Variants in GPATCH8 observed in about 807,000 individuals in gnomAD.
GPATCH8 encodes the protein G-patch domain containing 8, also known as G patch domain-containing protein 8.
Under a neutral mutation model 118.3 loss-of-function variants are expected in GPATCH8, and 18 were observed. The ratio of observed to expected loss-of-function variants is 0.15; its 90% CI spans 0.11 to 0.23. The LOEUF (loss-of-function observed/expected upper bound fraction) is 0.23. GPATCH8 is among the 10% of genes least tolerant of loss of function. The probability of loss-of-function intolerance (pLI) is 1.00; values close to 1 mark genes in which losing one functional copy is unlikely to be tolerated. For synonymous variants in GPATCH8, 659 were observed against 684.7 expected, an observed-to-expected ratio of 0.96 and a Z score of 0.59; for missense variants, 1,631 against 1,873.8, an observed-to-expected ratio of 0.87 and a Z score of 2.39.
chr17:44,418,886 T>G (rs2049790721), intron 6 of GPATCH8, among the ~76,000 whole-genome samples: 1 of 152,242 alleles, frequency 6.6e-6, no homozygotes. Flanking sequence ...ATCGATCACT[T>G]GAAAACTAGG....
rs547660771 is a variant in GPATCH8, at chr17:44,399,996, T to C, written c.2081A>G (p.Asp694Gly). 1.2e-6 allele frequency: 2 copies of C among 1,614,170 alleles called. No homozygotes were observed. Among genetic ancestry groups the C allele is most frequent in the East Asian group, 2.2e-5 (1 of 44,886 alleles). ...SSKHKRKHKA[D>G]TEEKSSKAES... ...TGCCTTAGAGCTTTTCTCTTCTGTG[T>C]CAGCCTTGTGTTTACGTTTGTGTTT... Residue 694 changes from aspartate (D) to glycine (G), a missense_variant, in exon 8 of 8, where the codon GAC (aspartate) becomes GGC (glycine). By Grantham distance (94) the Asp-to-Gly change is moderately conservative. Around this residue, in one of 8 missense-constraint regions of GPATCH8, gnomAD observed 922 missense variants for 879.7 expected, o/e 1.05. Transcript: ENST00000591680.
intron 7 of GPATCH8, among the ~76,000 whole-genome samples, chr17:44,401,974 AG>A (rs1321596503): frequency 6.6e-6 from 1 of 150,904 alleles, no homozygotes; most frequent in African/African-American, 2.4e-5. Context: ...ACTGCACTCC[AG>A]TCTGGGTGAC....
intron 3 of GPATCH8, among the ~76,000 whole-genome samples, chr17:44,449,903 A>G (rs1208939225): frequency 6.6e-6 from 1 of 152,218 alleles, no homozygotes; most frequent in African/African-American, 2.4e-5. Flanking sequence ...AAGTAAGAAG[A>G]CTTGTTTAGT....
At chr17:44,497,706 G>A (rs868859535) in intron 1 of GPATCH8, among the ~76,000 whole-genome samples, 28 of 152,184 alleles carry the variant, frequency 1.8e-4, no homozygotes, top group South Asian at 6.2e-4. Flanking sequence ...TTGGGGGGCT[G>A]AGGTGGGAGG....
chr17:44,462,899 T>G (rs2051614052), intron 3 of GPATCH8, among the ~76,000 whole-genome samples: 1 of 151,926 alleles, frequency 6.6e-6, no homozygotes, highest in African/African-American at 2.4e-5. Context: ...GAGAATGGCG[T>G]GAACCCGGGA....
chr17:44,422,460 G>T (rs918520552), intron 6 of GPATCH8, among the ~76,000 whole-genome samples: 1 of 151,596 alleles, frequency 6.6e-6, no homozygotes, highest in Non-Finnish European at 1.5e-5. Flanking sequence ...AAAGTGCTGC[G>T]ATTACAGGTG....
intron 1 of GPATCH8, among the ~76,000 whole-genome samples, chr17:44,476,424 C>T (rs1967789345): frequency 6.6e-6 from 1 of 152,140 alleles, no homozygotes; most frequent in South Asian, 2.1e-4. Context: ...AGGGTAGTCT[C>T]AAACTCCTGA....
chr17:44,397,528 G>A lies in GPATCH8; in HGVS notation c.*40C>T. The A allele has an allele frequency of 7.3e-7, 1 of 1,373,122 alleles. No individual in the cohort carries two copies. The allele number at this position is 1,373,122 out of a possible 1,614,324, so 85.1% of individuals were successfully genotyped here. ...AACACCCCCAAGGGAACATTTATGG[G>A]TCTCCTCCCCTGGCCCTACCTAGGA... On this transcript the variant is annotated 3_prime_UTR_variant, in exon 8 of 8. Coordinates refer to ENST00000591680, the MANE Select transcript of GPATCH8 (RefSeq NM_001002909.4).
intron 6 of GPATCH8, among the ~76,000 whole-genome samples, chr17:44,421,720 CTTTTTCT>C (rs1418053714): frequency 6.8e-5 from 10 of 147,072 alleles, no homozygotes; most frequent in Admixed American, 6.8e-5. Flanking sequence ...ACCTTTCTTT[CTTTTTCT>C]TTTTTCTTTT....
chr17:44,448,373 CATA>C (rs1380165819), intron 3 of GPATCH8, among the ~76,000 whole-genome samples: 1 of 150,694 alleles, frequency 6.6e-6, no homozygotes, highest in Non-Finnish European at 1.5e-5. Context: ...ATCTAGGCAA[CATA>C]GGGAGACCCT....
intron 1 of GPATCH8, among the ~76,000 whole-genome samples, chr17:44,493,729 T>G (rs1359004856): frequency 1.3e-5 from 2 of 152,086 alleles, no homozygotes; most frequent in Non-Finnish European, 2.9e-5. Flanking sequence ...CTCTTTTATT[T>G]AAAAAGGAAA....
chr17:44,417,919 T>A (rs1260858977), intron 6 of GPATCH8, among the ~76,000 whole-genome samples: 1 of 152,162 alleles, frequency 6.6e-6, no homozygotes, highest in Non-Finnish European at 1.5e-5. Context: ...AAAGCCTAAA[T>A]TATGTAAAAT....
At chr17:44,421,664 T>G (rs2049908035) in intron 6 of GPATCH8, among the ~76,000 whole-genome samples, 1 of 151,440 alleles carries the variant, frequency 6.6e-6, no homozygotes, top group Non-Finnish European at 1.5e-5. Context: ...GCACCTGGCC[T>G]CTTTTCTAGT....
intron 5 of GPATCH8, among the ~76,000 whole-genome samples, chr17:44,426,603 CAAA>C (rs754510329): frequency 6.0e-5 from 5 of 82,836 alleles, no homozygotes; most frequent in African/African-American, 5.4e-5. Context: ...GACCTTGTCT[CAAA>C]AAAAAAAAAA....
intron 2 of GPATCH8, among the ~76,000 whole-genome samples, chr17:44,470,442 C>A (rs972277067): frequency 4.6e-5 from 7 of 151,816 alleles, no homozygotes; most frequent in Non-Finnish European, 1.0e-4. Flanking sequence ...GATCCACCCA[C>A]CTCGGCCTCC....
At position 44,400,092 on chromosome 17, in the gene GPATCH8, A is replaced by G; in HGVS notation, c.1985T>C (p.Leu662Pro). The change falls in exon 8 of 8, where the codon CTT becomes CCT. Residue 662 changes from leucine to proline, a missense_variant. Around this residue, in one of 8 missense-constraint regions of GPATCH8, gnomAD observed 922 missense variants for 879.7 expected, o/e 1.05. Transcript: ENST00000591680. ...GSETEDTGRS[L>P]PSKKERSGKS... The stretch of plus-strand genomic sequence containing the variant: ...CCCAGATCGTTCTTTCTTGCTGGGA[A>G]GGCTTCTCCCTGTGTCTTCTGTCTC... The G allele has an allele frequency of 6.2e-7, 1 of 1,613,752 alleles. No homozygotes were observed.
intron 5 of GPATCH8, among the ~76,000 whole-genome samples, chr17:44,430,672 T>A (rs780666567): frequency 1.8e-4 from 27 of 151,938 alleles, no homozygotes; most frequent in Non-Finnish European, 2.9e-4. Context: ...AGAGTCTCAC[T>A]CTGTCTGTCG....
intron 1 of GPATCH8, among the ~76,000 whole-genome samples, chr17:44,493,053 G>GGTTTTTTT (rs1268833816): frequency 1.4e-5 from 1 of 69,582 alleles, no homozygotes; most frequent in Admixed American, 1.5e-4. Flanking sequence ...TAAGCCATTA[G>GGTTTTTTT]GTTTTTTTTT....
Position 44,400,800 on chromosome 17 carries a change from G to A in GPATCH8, c.1277C>T (p.Thr426Ile). Residue 426 changes from threonine to isoleucine, a missense_variant, in exon 8 of 8, where the codon ACA becomes ATA. This residue lies in a region of GPATCH8 where 405 missense variants were observed against 462.7 expected (regional missense o/e 0.88). Coordinates refer to ENST00000591680, the MANE Select transcript of GPATCH8 (RefSeq NM_001002909.4). ...ASEQMDGDNT[T>I]HPKNAPESKK... ...ACTCTCTGGGGCATTCTTTGGGTGT[G>A]TAGTATTATCACCATCCATTTGTTC... 1 of 1,614,018 alleles carries A rather than the reference G, an allele frequency of 6.2e-7. No homozygotes were observed. Among genetic ancestry groups the A allele is most frequent in the South Asian group, 1.1e-5 (1 of 91,080 alleles).
Sources: allele counts gnomAD v4.1 joint callset (sites outside exome capture counted in the v4.1 genomes callset), GRCh38; gene constraint gnomAD v4.1.1; regional missense constraint gnomAD v4.1.1; transcripts MANE v1.5; gene names NCBI Gene and HGNC (gene_info 2026-07-23, HGNC 2026-07-21).